Variants in NXPE2 observed in about 807,000 individuals in gnomAD.
NXPE2 encodes the protein NXPE family member 2.
Under a neutral mutation model 34.4 loss-of-function variants are expected in NXPE2, and 34 were observed. The observed-to-expected ratio is 0.99, with a 90% CI of 0.75 to 1.31. The LOEUF (loss-of-function observed/expected upper bound fraction) is 1.31, where lower values mean the gene tolerates loss of function less well. NXPE2 is among the 40% of genes most tolerant of loss of function. The pLI, the probability that NXPE2 is intolerant of heterozygous loss-of-function variation, is 0.00. For missense variants in NXPE2, 649 were observed against 672.5 expected (o/e 0.97, Z 0.39); for synonymous variants, 235 against 231.3 (o/e 1.02, Z -0.15).
the NXPE2 span, among the ~76,000 whole-genome samples, chr11:114,560,437 A>G: frequency 6.6e-6 from 1 of 151,186 alleles, no homozygotes; most frequent in South Asian, 2.1e-4. Flanking sequence ...AATATTTTTA[A>G]TTTGTATTTT....
the NXPE2 span, among the ~76,000 whole-genome samples, chr11:114,806,545 G>A: frequency 0.81 from 122,814 of 152,142 alleles, 50,008 homozygotes; most frequent in Non-Finnish European, 0.87. Context: ...GCTACATGAC[G>A]AATGCAGAAG....
chr11:114,512,919 G>A, the NXPE2 span: 9 of 311,930 alleles, frequency 2.9e-5, no homozygotes, highest in Admixed American at 3.7e-4. Flanking sequence ...TGACCTGAGA[G>A]GTGCCGCTGG....
the NXPE2 span, among the ~76,000 whole-genome samples, chr11:114,810,697 G>A: frequency 2.0e-5 from 3 of 152,114 alleles, no homozygotes; most frequent in Admixed American, 6.5e-5. Context: ...AACAGGTGCT[G>A]GAGAGGCTGT....
the NXPE2 span, among the ~76,000 whole-genome samples, chr11:114,798,154 A>G: frequency 6.6e-6 from 1 of 152,178 alleles, no homozygotes; most frequent in Non-Finnish European, 1.5e-5. Context: ...ATAAAAACCT[A>G]TTTCACTAGG....
the NXPE2 span, among the ~76,000 whole-genome samples, chr11:114,617,920 T>G: frequency 6.6e-5 from 10 of 152,162 alleles, no homozygotes; most frequent in East Asian, 1.4e-3. Context: ...GGGTAACCAC[T>G]GTAATCTGCT....
At chr11:114,708,636 A>AAAAAGAAAAGAAAAGAAAAGAAAAG (rs369604933), downstream of NXPE2, among the ~76,000 whole-genome samples, 40 of 148,516 alleles carry the variant, frequency 2.7e-4, no homozygotes, top group African/African-American at 9.0e-4. Flanking sequence ...TCTCAAAAAA[A>AAAAAGAAAAGAAAAGAAAAGAAAAG]AAAAGAAAAG....
At chr11:114,791,406 A>G in the NXPE2 span, among the ~76,000 whole-genome samples, 1 of 152,372 alleles carries the variant, frequency 6.6e-6, no homozygotes, top group African/African-American at 2.4e-5. Flanking sequence ...GAAAGCCAGT[A>G]GAAGTGGTAT....
the NXPE2 span, among the ~76,000 whole-genome samples, chr11:114,798,677 C>A: frequency 6.6e-6 from 1 of 152,204 alleles, no homozygotes; most frequent in African/African-American, 2.4e-5. Flanking sequence ...CCACTGCACC[C>A]GGCCGGGACT....
At chr11:114,712,741 C>A in the NXPE2 span, among the ~76,000 whole-genome samples, 3 of 152,122 alleles carry the variant, frequency 2.0e-5, no homozygotes, top group Non-Finnish European at 4.4e-5. Context: ...AGTAGAATTG[C>A]CATACAATCC....
downstream of NXPE2, among the ~76,000 whole-genome samples, chr11:114,711,135 C>A (rs1792423): frequency 6.6e-6 from 1 of 151,844 alleles, no homozygotes; most frequent in Non-Finnish European, 1.5e-5. Flanking sequence ...CAGTTAATAC[C>A]ATATGCAACT....
chr11:114,566,300 A>G, the NXPE2 span, among the ~76,000 whole-genome samples: 1 of 152,220 alleles, frequency 6.6e-6, no homozygotes, highest in African/African-American at 2.4e-5. Context: ...AATGAACCCC[A>G]GGGCACTCCA....
At chr11:114,679,822 C>T (rs1950918913) in intron 2 of NXPE2, 60 bp downstream of exon 2, 2 of 957,602 alleles carry the variant, frequency 2.1e-6, no homozygotes, top group Non-Finnish European at 1.6e-6. Context: ...TTTGAATGAC[C>T]CCCTTTATCA....
chr11:114,589,938 C>T, the NXPE2 span, among the ~76,000 whole-genome samples: 21 of 152,284 alleles, frequency 1.4e-4, no homozygotes, highest in Non-Finnish European at 2.5e-4. Flanking sequence ...CCTTGCTAAT[C>T]CAAATGCCTG....
At chr11:114,727,042 T>C in the NXPE2 span, among the ~76,000 whole-genome samples, 1 of 152,116 alleles carries the variant, frequency 6.6e-6, no homozygotes, top group Admixed American at 6.6e-5. Context: ...TTCTAGCATA[T>C]ACCTAAAAAC....
At chr11:114,607,355 A>G in the NXPE2 span, among the ~76,000 whole-genome samples, 3 of 151,990 alleles carry the variant, frequency 2.0e-5, no homozygotes, top group African/African-American at 7.2e-5. Flanking sequence ...CCTCGTGGGT[A>G]ACCACTGTTA....
chr11:114,735,095 G>A, the NXPE2 span, among the ~76,000 whole-genome samples: 1 of 152,090 alleles, frequency 6.6e-6, no homozygotes, highest in Non-Finnish European at 1.5e-5. Flanking sequence ...GGGCAACAGA[G>A]CAAGACTCTG....
chr11:114,592,858 A>C, the NXPE2 span, among the ~76,000 whole-genome samples: 1 of 152,178 alleles, frequency 6.6e-6, no homozygotes, highest in Non-Finnish European at 1.5e-5. Flanking sequence ...TAGAGAACAC[A>C]GAAATGAATC....
chr11:114,783,944 T>C, the NXPE2 span, among the ~76,000 whole-genome samples: 1 of 152,224 alleles, frequency 6.6e-6, no homozygotes, highest in Non-Finnish European at 1.5e-5. Context: ...CTACTAACTG[T>C]TTGATCTTTA....
At chr11:114,550,429 C>T in the NXPE2 span, among the ~76,000 whole-genome samples, 1 of 152,022 alleles carries the variant, frequency 6.6e-6, no homozygotes, top group East Asian at 1.9e-4. Context: ...ATTATATATA[C>T]AAATTTAGTA....
Sources: gnomAD v4.1 joint callset for allele counts (sites outside exome capture counted in the v4.1 genomes callset) on GRCh38, gnomAD v4.1.1 for gene constraint, MANE v1.5 for transcripts, NCBI Gene and HGNC (gene_info 2026-07-23, HGNC 2026-07-21) for gene names.